Variants in LRRIQ1 observed in about 807,000 individuals in gnomAD.
LRRIQ1 encodes the protein leucine-rich repeat- and IQ domain-containing protein 1.
LRRIQ1 carries 210 observed loss-of-function variants against 211.9 expected under a neutral mutation model. The ratio of observed to expected loss-of-function variants is 0.99; its 90% CI spans 0.89 to 1.11. LRRIQ1 has a LOEUF of 1.11. Among genes scored for constraint, LRRIQ1 ranks in the 50% most tolerant of loss-of-function variants. LRRIQ1 has a pLI of 0.00. For synonymous variants in LRRIQ1, 699 were observed against 650.1 expected (o/e 1.08, Z -1.14); for missense variants, 2,136 against 1,939.5 (o/e 1.10, Z -1.90).
chr12:85,112,804 A>C (rs1327256309), intron 15 of LRRIQ1, among the ~76,000 whole-genome samples: 1 of 152,152 alleles, frequency 6.6e-6, no homozygotes, highest in Non-Finnish European at 1.5e-5. Flanking sequence ...ATTCTCTTAT[A>C]GATAAGATCT....
In LRRIQ1 at chr12:85,187,260, G is replaced by C. The variant is rs144888728; in HGVS notation, c.4822+26546G>C. Among the ~76,000 whole-genome samples, 532 of 152,178 alleles carry C rather than the reference G, an allele frequency of 3.5e-3. 3 individuals carry two copies. Among genetic ancestry groups the C allele is most frequent in the African/African-American group, 0.012 (497 of 41,522 alleles). On this transcript the variant is annotated intron_variant, in intron 24 of 26. Transcript: ENST00000393217. ...AGCTTTCCTTACAGTTTAAAAGCTA[G>C]GATCAAGATAATGTGGAATCATTTG...
At chr12:85,138,116 C>A in intron 19 of LRRIQ1, 147 bp downstream of exon 19, 1 of 545,558 alleles carries the variant, frequency 1.8e-6, no homozygotes, top group Non-Finnish European at 3.1e-6. Flanking sequence ...CTAACATCAT[C>A]TTCTTTTATC....
intron 24 of LRRIQ1, among the ~76,000 whole-genome samples, chr12:85,190,982 T>G (rs1892483433): frequency 6.6e-6 from 1 of 152,022 alleles, no homozygotes; most frequent in African/African-American, 2.4e-5. Context: ...AATGTTCATG[T>G]GCAGCTCACC....
chr12:85,159,147 T>G (rs1366078917), intron 23 of LRRIQ1, among the ~76,000 whole-genome samples: 2 of 152,024 alleles, frequency 1.3e-5, no homozygotes, highest in African/African-American at 2.4e-5. Context: ...ATAACCTTTC[T>G]AAATATTTTG....
chr12:85,258,706 T>C (rs954593857), intron 1 of LRRIQ1, among the ~76,000 whole-genome samples: 3 of 152,008 alleles, frequency 2.0e-5, no homozygotes, highest in African/African-American at 7.2e-5. Flanking sequence ...TCTGGTCACT[T>C]TCATTAAAAT....
At chr12:85,049,152 GTA>G (rs1879997897) in intron 6 of LRRIQ1, among the ~76,000 whole-genome samples, 1 of 151,968 alleles carries the variant, frequency 6.6e-6, no homozygotes, top group African/African-American at 2.4e-5. Context: ...CCCATATTTT[GTA>G]TGATTGACTC....
intron 18 of LRRIQ1, 80 bp downstream of exon 18, chr12:85,128,113 C>A: frequency 1.9e-6 from 2 of 1,057,760 alleles, no homozygotes; most frequent in South Asian, 1.5e-5. Context: ...TTAAAAATAA[C>A]CTCCAAATCT....
At chr12:85,174,788 A>G (rs1565884705) in intron 24 of LRRIQ1, among the ~76,000 whole-genome samples, 1 of 151,760 alleles carries the variant, frequency 6.6e-6, no homozygotes, top group Non-Finnish European at 1.5e-5. Context: ...AAAATTATCA[A>G]AGAAATAATT....
At chr12:85,064,011 A>G (rs1021351822) in intron 8 of LRRIQ1, among the ~76,000 whole-genome samples, 3 of 151,714 alleles carry the variant, frequency 2.0e-5, no homozygotes, top group African/African-American at 7.3e-5. Context: ...GGTACAGATA[A>G]CTCTTCATTA....
At chr12:85,090,426 G>A (rs935476322) in intron 11 of LRRIQ1, among the ~76,000 whole-genome samples, 3 of 152,176 alleles carry the variant, frequency 2.0e-5, no homozygotes, top group South Asian at 2.1e-4. Context: ...AAAAGCTACA[G>A]ACACTCAACT....
intron 1 of LRRIQ1, among the ~76,000 whole-genome samples, chr12:85,255,792 T>C (rs1896072905): frequency 1.3e-5 from 2 of 151,684 alleles, no homozygotes; most frequent in Admixed American, 1.3e-4. Context: ...GTTGATATTT[T>C]GTTCCTGAAC....
chr12:85,166,529 T>C (rs1287147782), intron 24 of LRRIQ1, among the ~76,000 whole-genome samples: 1 of 152,234 alleles, frequency 6.6e-6, no homozygotes, highest in Non-Finnish European at 1.5e-5. Context: ...TGTGATACTT[T>C]TTACTTTAGA....
intron 6 of LRRIQ1, among the ~76,000 whole-genome samples, chr12:85,050,023 G>A (rs1308901819): frequency 6.6e-6 from 1 of 152,084 alleles, no homozygotes; most frequent in Non-Finnish European, 1.5e-5. Context: ...TTGCTATAAA[G>A]AAAATGCCTG....
At chr12:85,250,924 A>ATTATATATTATATATTATATATT (rs1895913837) in intron 1 of LRRIQ1, among the ~76,000 whole-genome samples, 71 of 79,660 alleles carry the variant, frequency 8.9e-4, no homozygotes, top group South Asian at 1.7e-3. Context: ...TATTTTATAT[A>ATTATATATTATATATTATATATT]TTATATATTA....
In LRRIQ1 at chr12:85,121,877, G is replaced by A. The variant is rs142536283; in HGVS notation, c.3557+1G>A. 2.5e-6 allele frequency: 4 copies of A among 1,591,960 alleles called. No homozygotes were observed. The African/African-American group carries it at 4.1e-5, about 16-fold the overall frequency. On this transcript the variant is annotated splice_donor_variant, in intron 16 of 26. Transcript: ENST00000393217. LOFTEE classifies it high-confidence loss of function. ...TTGAAAATTATATAACTGGAAAAGG[G>A]TAAGATTGTGATCTTCCCATTGATG...
intron 19 of LRRIQ1, among the ~76,000 whole-genome samples, chr12:85,140,842 G>A (rs544550461): frequency 2.0e-5 from 3 of 151,114 alleles, no homozygotes; most frequent in African/African-American, 7.2e-5. Context: ...TATGCAATTT[G>A]GATTTTATCA....
intron 1 of LRRIQ1, among the ~76,000 whole-genome samples, chr12:85,253,898 A>T (rs913716638): frequency 2.0e-5 from 3 of 151,842 alleles, no homozygotes; most frequent in Non-Finnish European, 2.9e-5. Flanking sequence ...ATATCTGCTG[A>T]TGTAGTTTGG....
intron 24 of LRRIQ1, among the ~76,000 whole-genome samples, chr12:85,214,349 C>G (rs910658354): frequency 1.3e-5 from 2 of 152,032 alleles, no homozygotes; most frequent in Admixed American, 6.6e-5. Context: ...AGCTGACAAG[C>G]AGAATCTAAG....
chr12:85,149,713 A>G (rs1890111962), intron 19 of LRRIQ1, among the ~76,000 whole-genome samples: 2 of 141,056 alleles, frequency 1.4e-5, no homozygotes, highest in Non-Finnish European at 3.0e-5. Context: ...GTACATATAA[A>G]TTCGTTGTCT....
Sources: allele counts gnomAD v4.1 joint callset (sites outside exome capture counted in the v4.1 genomes callset), GRCh38; gene constraint gnomAD v4.1.1; transcripts MANE v1.5; gene names NCBI Gene and HGNC (gene_info 2026-07-23, HGNC 2026-07-21).